Variants in OR5H15 observed in about 807,000 individuals in gnomAD.
OR5H15 encodes the protein olfactory receptor 5H15.
For missense variants in OR5H15, 405 were observed against 366.1 expected, an observed-to-expected ratio of 1.11 and a Z score of -0.87; for synonymous variants, 153 against 129.1, an observed-to-expected ratio of 1.19 and a Z score of -1.26.
chr3:98,169,726 C>G lies in OR5H15; in HGVS notation c.*85C>G. 2.1e-6 allele frequency: 2 copies of G among 965,208 alleles called. No homozygotes were observed. Among genetic ancestry groups the G allele is most frequent in the Non-Finnish European group, 3.2e-6 (2 of 623,236 alleles). The allele number at this position is 965,208 out of a possible 1,614,324, so 59.8% of individuals were successfully genotyped here. A position where few individuals can be genotyped will look rare whatever the true frequency, so the allele number is the denominator to read the frequency against. On this transcript the variant is annotated 3_prime_UTR_variant, in exon 2 of 2. Transcript: ENST00000641450. The stretch of plus-strand genomic sequence containing the variant: ...TGTTTCCAGTGTTCAAACATTTTTG[C>G]AAGTATAACTGTCCTAGCACTTTAA...
At chr3:98,168,311 T>A (rs1708748835) in intron 1 of OR5H15, among the ~76,000 whole-genome samples, 2 of 152,094 alleles carry the variant, frequency 1.3e-5, no homozygotes, top group African/African-American at 4.8e-5. Context: ...AGAATAAAGC[T>A]TAAGATTCTT....
Position 98,169,174 on chromosome 3 carries a change from C to T in OR5H15, c.475C>T (p.His159Tyr). The T allele has an allele frequency of 1.2e-6, 2 of 1,613,352 alleles. No individual in the cohort carries two copies. Among genetic ancestry groups the T allele is most frequent in the Non-Finnish European group, 8.5e-7 (1 of 1,179,632 alleles). ...AGCTGGTATTCTTCATGCTTTAATC[C>T]ATGAAGGATTTTTATTCAGACTAAC... ...YIAGILHALI[H>Y]EGFLFRLTFC... The change falls in exon 2 of 2, where the codon CAT becomes TAT. Residue 159 changes from histidine (H) to tyrosine (Y), a missense_variant. Coordinates refer to ENST00000641450, the MANE Select transcript of OR5H15 (RefSeq NM_001005515.2).
In OR5H15 at chr3:98,169,692, T is replaced by C. The variant is rs777370117; in HGVS notation, c.*51T>C. On this transcript the variant is annotated 3_prime_UTR_variant, in exon 2 of 2. Coordinates refer to ENST00000641450, the MANE Select transcript of OR5H15 (RefSeq NM_001005515.2). Reference sequence around the variant, plus strand: ...GTCACAAAATTACGCAAGTTAGAGGTACCTATGTTGTTTCCAGTGTTCAAA... The same window carrying C: ...GTCACAAAATTACGCAAGTTAGAGGCACCTATGTTGTTTCCAGTGTTCAAA... 1.5e-6 allele frequency: 2 copies of C among 1,338,730 alleles called. No homozygotes were observed. The highest frequency in any genetic ancestry group is 2.1e-6 in the Non-Finnish European group (2 of 952,830). 82.9% of individuals were successfully genotyped at this position (1,338,730 alleles called of 1,614,324 possible).
rs201058793 is a variant in OR5H15, at chr3:98,169,470, A to T, written c.771A>T (p.Leu257Phe). ...GTTTATACTATGGCCCCCTTCTCTT[A>T]ATGTATGTGGGCCCTGCATCTCCGC... ...SVCLYYGPLL[L>F]MYVGPASPQA... Residue 257 changes from leucine to phenylalanine, a missense_variant, in exon 2 of 2, where the codon TTA becomes TTT. Coordinates refer to ENST00000641450, the MANE Select transcript of OR5H15 (RefSeq NM_001005515.2). 6.2e-6 allele frequency: 10 copies of T among 1,612,912 alleles called. No homozygotes were observed. In the South Asian group the frequency reaches 8.8e-5, roughly 14 times the overall value.
At chr3:98,168,502 A>C (rs1708751188) in intron 1 of OR5H15, among the ~76,000 whole-genome samples, 180 bp from the exon 2 acceptor site, 1 of 152,030 alleles carries the variant, frequency 6.6e-6, no homozygotes, top group Admixed American at 6.6e-5. Flanking sequence ...ACAGTTTCAA[A>C]CCAAAATATA....
intron 1 of OR5H15, among the ~76,000 whole-genome samples, chr3:98,167,703 C>A (rs947340046): frequency 1.3e-5 from 2 of 151,998 alleles, no homozygotes; most frequent in Non-Finnish European, 2.9e-5. Context: ...CCTTTGACTA[C>A]CACAATGAAT....
At chr3:98,168,591 C>G (rs756519476) in intron 1 of OR5H15, 91 bp from the exon 2 acceptor site, 4 of 1,408,190 alleles carry the variant, frequency 2.8e-6, no homozygotes, top group Non-Finnish European at 3.9e-6. Flanking sequence ...GGGTTCTGAT[C>G]ATTTTAGGGT....
At chr3:98,168,627 T>A (rs1347425600) in intron 1 of OR5H15, 55 bp from the exon 2 acceptor site, 3 of 1,565,296 alleles carry the variant, frequency 1.9e-6, no homozygotes, top group Non-Finnish European at 2.6e-6. Context: ...TTCCCCAATT[T>A]CAACTCATAA....
In OR5H15 at chr3:98,169,383, GA is replaced by G; in HGVS notation, c.687del (p.Lys229AsnfsTer6). 6.2e-7 allele frequency: 1 copy of G among 1,613,400 alleles called. No homozygotes were observed. The part of the protein sequence containing the change: ...TFVLFTVLEK[K>X]SDKGVRKAFS... ...TTGTTCTCTTCACAGTCTTAGAAAA[GA>G]AATCTGATAAGGGTGTAAGGAAAGC... On this transcript the variant is annotated frameshift_variant, in exon 2 of 2. Transcript: ENST00000641450. LOFTEE classifies it low-confidence loss of function (END_TRUNC).
intron 1 of OR5H15, among the ~76,000 whole-genome samples, 180 bp downstream of exon 1, chr3:98,167,011 A>C (rs1049644059): frequency 5.3e-5 from 8 of 152,114 alleles, no homozygotes; most frequent in African/African-American, 1.9e-4. Context: ...AGATACGGTA[A>C]ATAGTTGTAA....
In OR5H15 at chr3:98,169,389, T is replaced by G; in HGVS notation, c.690T>G (p.Ser230=). 6.2e-7 allele frequency: 1 copy of G among 1,613,464 alleles called. No homozygotes were observed. The highest frequency in any genetic ancestry group is 8.5e-7 in the Non-Finnish European group (1 of 1,179,626). The change falls in exon 2 of 2, where the codon TCT becomes TCG. Residue 230 remains serine, a synonymous_variant. Coordinates refer to ENST00000641450, the MANE Select transcript of OR5H15 (RefSeq NM_001005515.2). ...TCTTCACAGTCTTAGAAAAGAAATC[T>G]GATAAGGGTGTAAGGAAAGCCTTTT... The part of the protein sequence containing the change: ...FVLFTVLEKK[S]DKGVRKAFST...
At position 98,169,546 on chromosome 3, in the gene OR5H15, C is replaced by T. The variant is rs1449862181; in HGVS notation, c.847C>T (p.Pro283Ser). Reference protein sequence around the residue: ...VEPLFYTVIIPLLNPIIYSLR... With the variant: ...VEPLFYTVIISLLNPIIYSLR... ...GCCTCTATTCTACACTGTCATCATT[C>T]CTTTGTTAAATCCTATCATCTACAG... is the stretch of plus-strand genomic sequence containing the variant. Residue 283 changes from proline to serine, a missense_variant, in exon 2 of 2, where the codon CCT (proline) becomes TCT (serine). Physicochemically the swap from Pro to Ser is moderately conservative, Grantham distance 74 (BLOSUM62 -1). Transcript: ENST00000641450. The T allele has an allele frequency of 6.2e-7, 1 of 1,612,678 alleles. No individual in the cohort carries two copies. Among genetic ancestry groups the T allele is most frequent in the Admixed American group, 1.7e-5 (1 of 59,920 alleles).
chr3:98,169,658 A>G lies in OR5H15; in HGVS notation c.*17A>G. The G allele has an allele frequency of 6.5e-7, 1 of 1,534,698 alleles. No individual in the cohort carries two copies. Among genetic ancestry groups the G allele is most frequent in the Non-Finnish European group, 8.9e-7 (1 of 1,118,702 alleles). ...TCATACTAATATCCTTTTTCTATTT[A>G]CTAAAATAGTCACAAAATTACGCAA... On this transcript the variant is annotated 3_prime_UTR_variant, in exon 2 of 2. Coordinates refer to ENST00000641450, the MANE Select transcript of OR5H15 (RefSeq NM_001005515.2).
Position 98,168,832 on chromosome 3 carries a change from C to T in OR5H15, c.133C>T (p.Leu45=). 3 of 1,613,506 alleles carry T rather than the reference C, an allele frequency of 1.9e-6. No homozygotes were observed. The highest frequency in any genetic ancestry group is 2.5e-6 in the Non-Finnish European group (3 of 1,179,580). Residue 45 remains leucine, a synonymous_variant, in exon 2 of 2, where the codon CTG becomes TTG. Transcript: ENST00000641450. ...CATCACCATCATGGGGAATCTTGGT[C>T]TGATTGCTGTCATCTGGAAAGACCC... is the stretch of plus-strand genomic sequence containing the variant. ...YLITIMGNLG[L]IAVIWKDPHL... is the part of the protein sequence containing the mutation.
chr3:98,167,721 A>G (rs1196238804), intron 1 of OR5H15, among the ~76,000 whole-genome samples: 1 of 152,036 alleles, frequency 6.6e-6, no homozygotes, highest in East Asian at 1.9e-4. Context: ...AATCCAAGTA[A>G]TCATTCCTAC....
intron 1 of OR5H15, among the ~76,000 whole-genome samples, chr3:98,168,081 G>A (rs556117632): frequency 6.6e-6 from 1 of 151,944 alleles, no homozygotes; most frequent in East Asian, 1.9e-4. Flanking sequence ...TACATTGAAA[G>A]CTCACAACCT....
At position 98,168,864 on chromosome 3, in the gene OR5H15, T is replaced by C. The variant is rs1156625483; in HGVS notation, c.165T>C (p.Leu55=). 1.2e-5 allele frequency: 20 copies of C among 1,613,400 alleles called. No homozygotes were observed. The highest frequency in any genetic ancestry group is 1.6e-5 in the Non-Finnish European group (19 of 1,179,588). The change falls in exon 2 of 2, where the codon CTT becomes CTC. Residue 55 remains leucine, a synonymous_variant. Transcript: ENST00000641450. Reference sequence around the variant, plus strand: ...CTGTCATCTGGAAAGACCCTCACCTTCATATCCCAATGTACTTACTCCTTG... The same window carrying C: ...CTGTCATCTGGAAAGACCCTCACCTCCATATCCCAATGTACTTACTCCTTG... The part of the protein sequence containing the change: ...LIAVIWKDPH[L]HIPMYLLLGN...
chr3:98,168,520 C>A (rs1454475626), intron 1 of OR5H15, among the ~76,000 whole-genome samples, 162 bp from the exon 2 acceptor site: 1 of 152,016 alleles, frequency 6.6e-6, no homozygotes, highest in Non-Finnish European at 1.5e-5. Flanking sequence ...ATATCATTTT[C>A]ATTTCTTTAA....
chr3:98,168,150 C>T (rs1315757180), intron 1 of OR5H15, among the ~76,000 whole-genome samples: 1 of 152,046 alleles, frequency 6.6e-6, no homozygotes, highest in Non-Finnish European at 1.5e-5. Flanking sequence ...TTGGGATTGC[C>T]TGGACCTTAC....
Sources: gnomAD v4.1 joint callset for allele counts (sites outside exome capture counted in the v4.1 genomes callset) on GRCh38, gnomAD v4.1.1 for gene constraint, MANE v1.5 for transcripts, NCBI Gene and HGNC (gene_info 2026-07-23, HGNC 2026-07-21) for gene names.